Variants in MED12L observed in about 807,000 individuals in gnomAD.
MED12L encodes mediator of RNA polymerase II transcription subunit 12-like protein.
MED12L carries 60 observed loss-of-function variants against 281.3 expected under a neutral mutation model. The ratio of observed to expected loss-of-function variants is 0.21; its 90% CI spans 0.17 to 0.26. The LOEUF is 0.26. Ranked by LOEUF, MED12L falls within the 10% of genes least tolerant of loss-of-function variation. The probability of loss-of-function intolerance (pLI) is 1.00; values close to 1 mark genes in which losing one functional copy is unlikely to be tolerated. For missense variants in MED12L, 2,146 were observed against 2,680.9 expected (o/e 0.80, Z 4.41); for synonymous variants, 974 against 987.2 (o/e 0.99, Z 0.25).
intron 11 of MED12L, among the ~76,000 whole-genome samples, chr3:151,184,782 T>C (rs556201500): frequency 1.8e-4 from 28 of 152,300 alleles, no homozygotes; most frequent in African/African-American, 6.5e-4. Flanking sequence ...GGCTGTCATT[T>C]TTCGTGTTTG....
intron 36 of MED12L, among the ~76,000 whole-genome samples, chr3:151,386,223 C>A (rs1378243022): frequency 6.6e-6 from 1 of 152,090 alleles, no homozygotes; most frequent in African/African-American, 2.4e-5. Flanking sequence ...AAGTCATGGT[C>A]AAGTTTGAGT....
chr3:151,339,860 A>C (rs1751578194), intron 16 of MED12L, among the ~76,000 whole-genome samples: 1 of 152,154 alleles, frequency 6.6e-6, no homozygotes, highest in Non-Finnish European at 1.5e-5. Flanking sequence ...TGACGTTTGT[A>C]ATCTTTTTAT....
intron 38 of MED12L, among the ~76,000 whole-genome samples, chr3:151,391,592 A>C (rs555951989): frequency 1.3e-5 from 2 of 152,228 alleles, no homozygotes; most frequent in African/African-American, 2.4e-5. Context: ...TACAAAAAAA[A>C]AGAATCACAA....
At chr3:151,187,946 A>G (rs1250756611) in intron 12 of MED12L, among the ~76,000 whole-genome samples, 1 of 152,232 alleles carries the variant, frequency 6.6e-6, no homozygotes, top group Non-Finnish European at 1.5e-5. Context: ...GATAATGAAT[A>G]GTTTGTTGTA....
chr3:151,145,695 TAAG>T (rs1717667535), intron 5 of MED12L, among the ~76,000 whole-genome samples: 1 of 152,178 alleles, frequency 6.6e-6, no homozygotes, highest in Non-Finnish European at 1.5e-5. Context: ...TATCTCAAAA[TAAG>T]AAGTTTCATT....
chr3:151,377,518 T>G (rs1042631808), intron 30 of MED12L, among the ~76,000 whole-genome samples: 3 of 152,220 alleles, frequency 2.0e-5, no homozygotes, highest in Non-Finnish European at 2.9e-5. Flanking sequence ...AAATATATCC[T>G]GGTAATTTTT....
intron 2 of MED12L, among the ~76,000 whole-genome samples, chr3:151,102,240 C>T (rs905126650): frequency 6.6e-6 from 1 of 152,082 alleles, no homozygotes; most frequent in Non-Finnish European, 1.5e-5. Context: ...TTGTGGGCTG[C>T]TTGGGTGATA....
intron 40 of MED12L, 65 bp from the exon 41 acceptor site, chr3:151,411,213 C>A (rs952471716): frequency 5.7e-6 from 8 of 1,398,346 alleles, no homozygotes; most frequent in African/African-American, 5.7e-5. Context: ...CCCCATATAT[C>A]GTAGTGATGG....
chr3:151,305,120 A>G (rs1167740601), intron 16 of MED12L, among the ~76,000 whole-genome samples: 1 of 152,122 alleles, frequency 6.6e-6, no homozygotes, highest in Non-Finnish European at 1.5e-5. Context: ...GTGTGCTTTT[A>G]CTACAGTGGC....
At chr3:151,147,689 C>T (rs1329486963) in intron 5 of MED12L, among the ~76,000 whole-genome samples, 27 of 152,328 alleles carry the variant, frequency 1.8e-4, no homozygotes, top group African/African-American at 6.0e-4. Flanking sequence ...GGTTTCAGTA[C>T]TTCATTCTCT....
At chr3:151,351,687 G>C (rs899353846) in intron 17 of MED12L, among the ~76,000 whole-genome samples, 1 of 152,172 alleles carries the variant, frequency 6.6e-6, no homozygotes, top group African/African-American at 2.4e-5. Flanking sequence ...GGGTAGGGGG[G>C]AGTCAGTATT....
Position 151,163,994 on chromosome 3 carries a change from C to G in MED12L, c.1209C>G (p.Ala403=). The G allele has an allele frequency of 1.2e-6, 2 of 1,613,724 alleles. No homozygotes were observed. The highest frequency in any genetic ancestry group is 2.2e-5 in the East Asian group (1 of 44,864). The change falls in exon 9 of 45, where the codon GCC becomes GCG. Residue 403 remains alanine (A), a synonymous_variant. Transcript: ENST00000687756. The part of the protein sequence containing the change: ...PGSPLDLLQV[A]PSSLPMPGGN... ...CACCCCTGGATCTGCTGCAGGTGGC[C>G]CCGTCCAGCCTCCCCATGCCGGGTG...
intron 16 of MED12L, chr3:151,338,345 C>A (rs368508157): frequency 6.2e-7 from 1 of 1,614,116 alleles, no homozygotes; most frequent in Admixed American, 1.7e-5. Context: ...TCTTGTCTCT[C>A]GGCTGCCTGT....
At chr3:151,156,137 T>C (rs1418727017) in intron 5 of MED12L, 24 bp from the exon 6 acceptor site, 1 of 1,569,152 alleles carries the variant, frequency 6.4e-7, no homozygotes, top group African/African-American at 1.4e-5. Context: ...TAGAAACTCA[T>C]ATTTTTCTTT....
intron 16 of MED12L, among the ~76,000 whole-genome samples, chr3:151,332,864 A>T (rs1393316441): frequency 6.6e-6 from 1 of 152,060 alleles, no homozygotes; most frequent in South Asian, 2.1e-4. Context: ...ATGGTACCGG[A>T]TAGGTAGTTT....
chr3:151,283,991 T>C (rs1743137416), intron 16 of MED12L, among the ~76,000 whole-genome samples: 1 of 152,206 alleles, frequency 6.6e-6, no homozygotes, highest in Non-Finnish European at 1.5e-5. Context: ...CCCTAACTGC[T>C]CAGCTTTTTA....
intron 2 of MED12L, among the ~76,000 whole-genome samples, chr3:151,096,406 A>G (rs35996741): frequency 0.17 from 24,942 of 142,532 alleles, 2,592 homozygotes; most frequent in South Asian, 0.29. Flanking sequence ...TTTTTTCCTC[A>G]GGGATTACAC....
intron 16 of MED12L, chr3:151,199,286 A>G (rs756843318): frequency 3.1e-6 from 5 of 1,613,960 alleles, no homozygotes; most frequent in Non-Finnish European, 4.2e-6. Flanking sequence ...CCAGGTTGCA[A>G]AACAACTTCC....
chr3:151,432,560 A>T, intron 44 of MED12L, 192 bp from the exon 45 acceptor site: 1 of 483,196 alleles, frequency 2.1e-6, no homozygotes, highest in Admixed American at 3.8e-5. Context: ...TGGACTGTGA[A>T]TAAAGGTGTC....
Sources: gnomAD v4.1 joint callset for allele counts (sites outside exome capture counted in the v4.1 genomes callset) on GRCh38, gnomAD v4.1.1 for gene constraint, MANE v1.5 for transcripts, NCBI Gene and HGNC (gene_info 2026-07-23, HGNC 2026-07-21) for gene names.